The following ERH variants were observed in gnomAD, a reference collection of about 807,000 sequenced individuals.
The protein encoded by ERH is ERH mRNA splicing and mitosis factor, also known as enhancer of rudimentary homolog.
ERH carries 1 observed loss-of-function variant against 16.8 expected under a neutral mutation model. The observed-to-expected ratio is 0.06, with a 90% CI of 0.02 to 0.28. The LOEUF (loss-of-function observed/expected upper bound fraction) is 0.28, where lower values mean the gene tolerates loss of function less well. Ranked by LOEUF, ERH falls within the 10% of genes least tolerant of loss-of-function variation. ERH has a pLI of 1.00. For missense variants in ERH, 42 were observed against 127.5 expected (o/e 0.33, Z 3.23); for synonymous variants, 43 against 43.6 (o/e 0.99, Z 0.05).
Position 69,394,970 on chromosome 14 carries a change from T to TAA in ERH, c.4-60_4-59dup, listed in dbSNP as rs3837663. On this transcript the variant is annotated intron_variant, in intron 1 of 3. Coordinates refer to ENST00000557016, the MANE Select transcript of ERH (RefSeq NM_004450.3). Reference sequence around the variant, plus strand: ...TCTATTTGAGAAATTCATAGTATGATAAAAAAAAATCCCCATTTGTAATGC... The same window carrying TAA: ...TCTATTTGAGAAATTCATAGTATGATAAAAAAAAAAATCCCCATTTGTAATGC... The TAA allele has an allele frequency of 6.0e-4, 703 of 1,176,014 alleles. 4 individuals are homozygous for TAA. In the African/African-American group the frequency reaches 1.0e-2, roughly 17 times the overall value. 72.8% of individuals were successfully genotyped at this position (1,176,014 alleles called of 1,614,324 possible).
Position 69,387,691 on chromosome 14 carries a change from A to G in ERH, c.92-608T>C, listed in dbSNP as rs114632942. The stretch of plus-strand genomic sequence containing the variant: ...TTTCAGTAATTCTTCCTAAAGCCAC[A>G]GAGCAAAAAAAAAAAAAAAATTGGC... On this transcript the variant is annotated intron_variant, in intron 2 of 3. Transcript: ENST00000557016. 2.7e-3 allele frequency among the ~76,000 whole-genome samples: 405 copies of G among 147,824 alleles called. 4 individuals are homozygous for G. The highest frequency in any genetic ancestry group is 0.01 in the African/African-American group (394 of 39,390).
chr14:69,395,191 G>A (rs1882309145), intron 1 of ERH, among the ~76,000 whole-genome samples: 2 of 152,076 alleles, frequency 1.3e-5, no homozygotes, highest in Non-Finnish European at 2.9e-5. Context: ...TGTAGTCCCA[G>A]CACTTTGGAA....
chr14:69,398,149 TGGGGA>T, intron 1 of ERH, 77 bp downstream of exon 1: 1 of 1,518,364 alleles, frequency 6.6e-7, no homozygotes, highest in Non-Finnish European at 9.0e-7. Flanking sequence ...ATGGGGCTCG[TGGGGA>T]GGGGAAAACG....
At chr14:69,393,998 G>A (rs918676052) in intron 2 of ERH, among the ~76,000 whole-genome samples, 7 of 150,982 alleles carry the variant, frequency 4.6e-5, no homozygotes, top group Non-Finnish European at 4.4e-5. Context: ...CAGCCTGGGT[G>A]ACAGAGCAAG....
At position 69,384,053 on chromosome 14, in the gene ERH, A is replaced by G. The variant is rs573135064; in HGVS notation, c.212+2910T>C. On this transcript the variant is annotated intron_variant, in intron 3 of 3. Transcript: ENST00000557016. ...GTTATGTCATTAATGACATACTTGTATATCATTAACATGTCACTTGTAACT... is the reference window on the plus strand; with the variant it reads ...GTTATGTCATTAATGACATACTTGTGTATCATTAACATGTCACTTGTAACT... Among the ~76,000 whole-genome samples, 66 of 152,276 alleles carry G rather than the reference A, an allele frequency of 4.3e-4. 1 individual carries two copies. The South Asian group carries it at 0.011, about 26-fold the overall frequency.
intron 1 of ERH, among the ~76,000 whole-genome samples, chr14:69,397,761 T>TA (rs936077543): frequency 1.3e-5 from 2 of 151,840 alleles, no homozygotes; most frequent in Admixed American, 6.6e-5. Context: ...TCTGCTAAAA[T>TA]AAAAAAATTA....
intron 3 of ERH, among the ~76,000 whole-genome samples, chr14:69,382,789 C>CAAAAAAAAAAAAAAAAAAAAAAAAA (rs1278831093): frequency 1.9e-5 from 2 of 103,134 alleles, no homozygotes; most frequent in African/African-American, 7.4e-5. Context: ...ACTCTATCTC[C>CAAAAAAAAAAAAAAAAAAAAAAAAA]AAAAGAAAAA....
intron 3 of ERH, among the ~76,000 whole-genome samples, chr14:69,382,663 C>A (rs76285352): frequency 0.12 from 18,455 of 150,040 alleles, 1,357 homozygotes; most frequent in Middle Eastern, 0.24. Context: ...GAAACCCCGT[C>A]TCCACCAAAA....
At chr14:69,398,105 G>T in intron 1 of ERH, 126 bp downstream of exon 1, 3 of 1,193,072 alleles carry the variant, frequency 2.5e-6, no homozygotes, top group South Asian at 1.3e-5. Context: ...TCAATCCACC[G>T]ACTAGAGTGG....
chr14:69,388,361 T>C (rs1419433295), intron 2 of ERH, among the ~76,000 whole-genome samples: 1 of 151,920 alleles, frequency 6.6e-6, no homozygotes, highest in African/African-American at 2.4e-5. Flanking sequence ...AATAATACTC[T>C]CCTTTTTTTT....
rs190761688 is a variant in ERH at position 69,393,910 on chromosome 14, A to G, written c.91+915T>C. ...GCGGCAGGTGCCTCTAGTCCCAGCTATTTGGGAGGCTGAGGCAGGAGGACT... is the reference window on the plus strand; with the variant it reads ...GCGGCAGGTGCCTCTAGTCCCAGCTGTTTGGGAGGCTGAGGCAGGAGGACT... On this transcript the variant is annotated intron_variant, in intron 2 of 3. Transcript: ENST00000557016. Among the ~76,000 whole-genome samples, 1,163 of 151,882 alleles carry G rather than the reference A, an allele frequency of 7.7e-3. 6 individuals are homozygous for G. Among genetic ancestry groups the G allele is most frequent in the Non-Finnish European group, 0.012 (833 of 67,924 alleles).
chr14:69,380,373 G>GTTTCCGATTGAACAAGA lies in ERH; in HGVS notation c.*148_*164dup. ...GAAAGAAAAAGAGGAGGTAACGGGG[G>GTTTCCGATTGAACAAGA]TTTCCGATTGAACAAGATCCTCACA... On this transcript the variant is annotated 3_prime_UTR_variant, in exon 4 of 4. Transcript: ENST00000557016. The GTTTCCGATTGAACAAGA allele has an allele frequency of 2.3e-6, 1 of 438,642 alleles. No homozygotes were observed. Among genetic ancestry groups the GTTTCCGATTGAACAAGA allele is most frequent in the Non-Finnish European group, 4.1e-6 (1 of 246,152 alleles). The allele number at this position is 438,642 out of a possible 1,614,324, so 27.2% of individuals were successfully genotyped here.
chr14:69,385,389 T>A (rs2045885347), intron 3 of ERH, among the ~76,000 whole-genome samples: 1 of 152,120 alleles, frequency 6.6e-6, no homozygotes, highest in South Asian at 2.1e-4. Context: ...TCAAATGATG[T>A]CCTTGCTCCT....
chr14:69,396,504 G>A, intron 1 of ERH, among the ~76,000 whole-genome samples: 1 of 152,190 alleles, frequency 6.6e-6, no homozygotes, highest in East Asian at 1.9e-4. Flanking sequence ...CAGGTGATCT[G>A]CCTGCCTCGG....
chr14:69,382,789 C>CAAAAAAAAAAAAAAAAAAAA (rs1278831093), intron 3 of ERH, among the ~76,000 whole-genome samples: 6 of 103,134 alleles, frequency 5.8e-5, no homozygotes, highest in African/African-American at 2.2e-4. Flanking sequence ...ACTCTATCTC[C>CAAAAAAAAAAAAAAAAAAAA]AAAAGAAAAA....
At chr14:69,394,950 T>C (rs2140234615) in intron 1 of ERH, 38 bp from the exon 2 acceptor site, 2 of 1,408,692 alleles carry the variant, frequency 1.4e-6, no homozygotes, top group East Asian at 2.3e-5. Flanking sequence ...AAGTTTCTAT[T>C]TGAGAAATTC....
Position 69,380,342 on chromosome 14 carries a change from GAA to G in ERH, c.*194_*195del, listed in dbSNP as rs2045853871. On this transcript the variant is annotated 3_prime_UTR_variant, in exon 4 of 4. Coordinates refer to ENST00000557016, the MANE Select transcript of ERH (RefSeq NM_004450.3). ...AAATGTTTAAGTAAAAAAAAAAAAA[GAA>G]AGAGAAAGAAAAAGAGGAGGTAACG... 6 of 397,326 alleles carry G rather than the reference GAA, an allele frequency of 1.5e-5. No individual in the cohort carries two copies. Among genetic ancestry groups the G allele is most frequent in the Middle Eastern group, 1.3e-3 (2 of 1,498 alleles). The allele number at this position is 397,326 out of a possible 1,614,324, so 24.6% of individuals were successfully genotyped here.
intron 3 of ERH, among the ~76,000 whole-genome samples, chr14:69,384,702 T>G (rs963395400): frequency 1.4e-4 from 20 of 146,052 alleles, no homozygotes; most frequent in Admixed American, 2.7e-4. Context: ...AAGCTATTCC[T>G]CAAATAACAA....
chr14:69,394,508 G>C (rs1370296735), intron 2 of ERH, among the ~76,000 whole-genome samples: 1 of 152,160 alleles, frequency 6.6e-6, no homozygotes, highest in African/African-American at 2.4e-5. Flanking sequence ...AGGCACAAGA[G>C]AATCACTTGA....
Sources: gnomAD v4.1 joint callset for allele counts (sites outside exome capture counted in the v4.1 genomes callset) on GRCh38, gnomAD v4.1.1 for gene constraint, MANE v1.5 for transcripts, NCBI Gene and HGNC (gene_info 2026-07-23, HGNC 2026-07-21) for gene names.